The following TEP1 variants were observed in gnomAD, a reference collection of about 807,000 sequenced individuals.
The protein encoded by TEP1 is telomerase associated protein 1.
Under a neutral mutation model 306.3 loss-of-function variants are expected in TEP1, and 241 were observed. That is an observed-to-expected ratio of 0.79 (90% CI 0.71 to 0.88). TEP1 has a LOEUF of 0.88. Among genes scored for constraint, TEP1 ranks in the 40% least tolerant of loss-of-function variants. TEP1 has a pLI of 0.00. For synonymous variants in TEP1, 1,289 were observed against 1,305.5 expected, an observed-to-expected ratio of 0.99 and a Z score of 0.27; for missense variants, 3,051 against 3,276.1, an observed-to-expected ratio of 0.93 and a Z score of 1.68.
At chr14:20,394,774 G>A (rs972720763) in intron 12 of TEP1, among the ~76,000 whole-genome samples, 6 of 152,180 alleles carry the variant, frequency 3.9e-5, no homozygotes, top group South Asian at 2.1e-4. Flanking sequence ...GATTACAGGC[G>A]TGAGCCACCA....
rs1470899170 is a variant in TEP1, at chr14:20,379,966, A to G, written c.5091T>C (p.Asn1697=). The G allele has an allele frequency of 6.2e-7, 1 of 1,614,052 alleles. No individual in the cohort carries two copies. Among genetic ancestry groups the G allele is most frequent in the Non-Finnish European group, 8.5e-7 (1 of 1,180,000 alleles). ...NGQRAAVGTA[N]GTVYLLDLRT... is the part of the protein sequence containing the mutation. Reference sequence around the variant, plus strand: ...TCAGGTCCAACAGGTAAACTGTCCCATTGGCAGTGCCCACAGCTGCTCTTT... The same window carrying G: ...TCAGGTCCAACAGGTAAACTGTCCCGTTGGCAGTGCCCACAGCTGCTCTTT... Residue 1697 remains asparagine (N), a synonymous_variant, in exon 35 of 55, where the codon AAT becomes AAC. Coordinates refer to ENST00000262715, the MANE Select transcript of TEP1 (RefSeq NM_007110.5).
rs749150318 is a variant in TEP1, at chr14:20,371,276, T to A, written c.7259A>T (p.His2420Leu). 1.4e-5 allele frequency: 23 copies of A among 1,614,066 alleles called. No individual in the cohort carries two copies. The Admixed American group carries it at 3.8e-4, about 27-fold the overall frequency. ...CAGGACAAATATGCCATACTCCTTGTGGGTGGACAATATCATAGGATTTTC... is the reference window on the plus strand; with the variant it reads ...CAGGACAAATATGCCATACTCCTTGAGGGTGGACAATATCATAGGATTTTC... Reference protein sequence around the residue: ...YTENPMILSTHKEYGIFVLQP... With the variant: ...YTENPMILSTLKEYGIFVLQP... The change falls in exon 51 of 55, where the codon CAC (histidine) becomes CTC (leucine). Residue 2420 changes from histidine to leucine, a missense_variant. This residue lies in a region of TEP1 where 1,540 missense variants were observed against 1,705.9 expected (regional missense o/e 0.90). Transcript: ENST00000262715.
In TEP1 at chr14:20,388,143, A is replaced by G. The variant is rs946084546; in HGVS notation, c.2526-80T>C. ...AGGTCTTCCGAAAAGGGCAGGGGGA[A>G]AAAGATATGTCCAGGTTTGGTGACC... On this transcript the variant is annotated intron_variant, in intron 17 of 54. Coordinates refer to ENST00000262715, the MANE Select transcript of TEP1 (RefSeq NM_007110.5). 13 of 1,509,396 alleles carry G rather than the reference A, an allele frequency of 8.6e-6. No individual in the cohort carries two copies. The African/African-American group carries it at 1.3e-4, about 15-fold the overall frequency. 93.5% of individuals were successfully genotyped at this position (1,509,396 alleles called of 1,614,324 possible).
At chr14:20,368,760 G>GCGCACA in intron 54 of TEP1, 38 bp downstream of exon 54, 1 of 1,303,608 alleles carries the variant, frequency 7.7e-7, no homozygotes, top group Non-Finnish European at 1.0e-6. Flanking sequence ...GTGTGCAGGC[G>GCGCACA]CACGCACACA....
chr14:20,380,286 T>C lies in TEP1; in HGVS notation c.4952A>G (p.Gln1651Arg). Residue 1651 changes from glutamine (Q) to arginine (R), a missense_variant, in exon 34 of 55, where the codon CAA becomes CGA. Physicochemically the swap from Gln to Arg is conservative, Grantham distance 43. Transcript: ENST00000262715. ...ASLLSRRWHL[Q>R]HTLRWLNKPR... ...TTTATTAAGCCATCGTAGTGTGTGT[T>C]GGAGGTGCCATCTCCGGGAGAGCAG... The C allele has an allele frequency of 6.2e-7, 1 of 1,614,130 alleles. No homozygotes were observed. The highest frequency in any genetic ancestry group is 1.1e-5 in the South Asian group (1 of 91,082).
At chr14:20,393,693 G>A (rs1047758875) in intron 12 of TEP1, among the ~76,000 whole-genome samples, 1 of 152,002 alleles carries the variant, frequency 6.6e-6, no homozygotes, top group Non-Finnish European at 1.5e-5. Flanking sequence ...TTGGGAGTCT[G>A]AGGCACGAGA....
chr14:20,380,912 A>C lies in TEP1; in HGVS notation c.4762+19T>G. The C allele has an allele frequency of 6.2e-7, 1 of 1,603,002 alleles. No individual in the cohort carries two copies. The highest frequency in any genetic ancestry group is 8.5e-7 in the Non-Finnish European group (1 of 1,170,048). On this transcript the variant is annotated intron_variant, in intron 33 of 54. Transcript: ENST00000262715. ...AGTCCCATATCTCAGAGAAGAACCCAGCCAGTGACTCATCTCACCATAGAG... is the reference window on the plus strand; with the variant it reads ...AGTCCCATATCTCAGAGAAGAACCCCGCCAGTGACTCATCTCACCATAGAG...
intron 35 of TEP1, 78 bp downstream of exon 35, chr14:20,379,852 G>T: frequency 6.6e-7 from 1 of 1,521,218 alleles, no homozygotes; most frequent in South Asian, 1.3e-5. Flanking sequence ...TAACAGGTGT[G>T]TTTGGCTCAT....
chr14:20,384,368 T>C (rs1876921520), intron 23 of TEP1, 23 bp downstream of exon 23: 2 of 1,613,534 alleles, frequency 1.2e-6, no homozygotes, highest in East Asian at 2.2e-5. Context: ...TCCATGCCTC[T>C]GGTCACCAGT....
intron 6 of TEP1, 83 bp from the exon 7 acceptor site, chr14:20,403,531 C>T: frequency 6.3e-7 from 1 of 1,599,936 alleles, no homozygotes; most frequent in African/African-American, 1.4e-5. Flanking sequence ...GAAGGTGCAT[C>T]TCTACCAAAA....
At position 20,389,529 on chromosome 14, in the gene TEP1, T is replaced by A. The variant is rs1380121700; in HGVS notation, c.2465+81A>T. The A allele has an allele frequency of 7.6e-6, 12 of 1,569,762 alleles. No individual in the cohort carries two copies. The African/African-American group carries it at 1.6e-4, about 21-fold the overall frequency. ...TGGGGAGATCCCTGCCAAGTGGGAG[T>A]GTCCTATGCTTTGGCAGGCGTAGAG... is the stretch of plus-strand genomic sequence containing the variant. On this transcript the variant is annotated intron_variant, in intron 16 of 54. Transcript: ENST00000262715.
chr14:20,396,083 G>T, intron 10 of TEP1, 134 bp from the exon 11 acceptor site: 1 of 547,652 alleles, frequency 1.8e-6, no homozygotes, highest in East Asian at 2.8e-5. Context: ...TAGAAAAGGG[G>T]TAATAAGAAG....
chr14:20,391,745 T>C lies in TEP1; in HGVS notation c.1951A>G (p.Met651Val). The change falls in exon 13 of 55, where the codon ATG becomes GTG. Residue 651 changes from methionine (M) to valine (V), a missense_variant. This residue lies in a region of TEP1 where 1,507 missense variants were observed against 1,550.5 expected (regional missense o/e 0.97). Coordinates refer to ENST00000262715, the MANE Select transcript of TEP1 (RefSeq NM_007110.5). ...KARQWKYDGE[M>V]LNRYRQALET... is the part of the protein sequence containing the mutation. The stretch of plus-strand genomic sequence containing the variant: ...AGGGCCTGTCGGTACCTGTTCAGCA[T>C]CTCACCATCATATTTCCACTGTCTA... 6.2e-7 allele frequency: 1 copy of C among 1,614,098 alleles called. No homozygotes were observed.
intron 51 of TEP1, 93 bp from the exon 52 acceptor site, chr14:20,369,872 ATT>A (rs60087138): frequency 2.4e-3 from 1,720 of 730,786 alleles, no homozygotes; most frequent in South Asian, 2.7e-3. Flanking sequence ...CTGGTCAGGA[ATT>A]TTTTTTTTTT....
intron 2 of TEP1, among the ~76,000 whole-genome samples, chr14:20,407,049 G>T (rs1879230313): frequency 6.6e-6 from 1 of 152,210 alleles, no homozygotes; most frequent in Admixed American, 6.5e-5. Flanking sequence ...ACAGAAGAGG[G>T]TTCAGATTAG....
Position 20,389,254 on chromosome 14 carries a change from T to A in TEP1, c.2509A>T (p.Thr837Ser). 3 of 1,614,146 alleles carry A rather than the reference T, an allele frequency of 1.9e-6. No homozygotes were observed. The highest frequency in any genetic ancestry group is 2.5e-6 in the Non-Finnish European group (3 of 1,180,020). ...NPNDVTLSGC[T>S]DAILKFIAEH... ...TGTACTCACTTCAGTATCGCATCAGTACAGCCTGAGAGTGTCACATCATTG... is the reference window on the plus strand; with the variant it reads ...TGTACTCACTTCAGTATCGCATCAGAACAGCCTGAGAGTGTCACATCATTG... Residue 837 changes from threonine (T) to serine (S), a missense_variant, in exon 17 of 55, where the codon ACT (threonine) becomes TCT (serine). Physicochemically the swap from Thr to Ser is moderately conservative, Grantham distance 58. This residue lies in a region of TEP1 where 1,507 missense variants were observed against 1,550.5 expected (regional missense o/e 0.97). Transcript: ENST00000262715.
Position 20,381,191 on chromosome 14 carries a change from G to A in TEP1, c.4647+122C>T, listed in dbSNP as rs984796685. ...GGGCAGGAAAACTGAAAGGAAAGAGGTCAAGGGAGTTTGGGAGGGGTAATG... is the reference window on the plus strand; with the variant it reads ...GGGCAGGAAAACTGAAAGGAAAGAGATCAAGGGAGTTTGGGAGGGGTAATG... On this transcript the variant is annotated intron_variant, in intron 32 of 54. Coordinates refer to ENST00000262715, the MANE Select transcript of TEP1 (RefSeq NM_007110.5). The surrounding 1 kb of genome is among the most constrained non-coding windows in gnomAD (Gnocchi z 4.0). The A allele has an allele frequency of 4.9e-6, 6 of 1,236,610 alleles. No homozygotes were observed. The highest frequency in any genetic ancestry group is 4.5e-5 in the African/African-American group (3 of 67,302). 76.6% of individuals were successfully genotyped at this position (1,236,610 alleles called of 1,614,324 possible).
chr14:20,397,266 G>A lies in TEP1; in HGVS notation c.1550-536C>T, dbSNP rs1170280600. Among the ~76,000 whole-genome samples, 3 of 152,274 alleles carry A rather than the reference G, an allele frequency of 2.0e-5. No homozygotes were observed. In the East Asian group the frequency reaches 5.8e-4, roughly 29 times the overall value. On this transcript the variant is annotated intron_variant, in intron 9 of 54. Transcript: ENST00000262715. Reference sequence around the variant, plus strand: ...TTTATGAAGTATATACTAACATAATGTAGCACATTCATTAGTTAATATTTC... The same window carrying A: ...TTTATGAAGTATATACTAACATAATATAGCACATTCATTAGTTAATATTTC...
chr14:20,368,413 T>A lies in TEP1; in HGVS notation c.*24A>T, dbSNP rs201450349. 13 of 1,612,020 alleles carry A rather than the reference T, an allele frequency of 8.1e-6. No individual in the cohort carries two copies. Among genetic ancestry groups the A allele is most frequent in the Non-Finnish European group, 1.1e-5 (13 of 1,178,304 alleles). On this transcript the variant is annotated 3_prime_UTR_variant, in exon 55 of 55. Coordinates refer to ENST00000262715, the MANE Select transcript of TEP1 (RefSeq NM_007110.5). Reference sequence around the variant, plus strand: ...CTTTGCATCTCTAGCACAAGGGGTATCATTATTCCCGAGTGGCACATCTTC... The same window carrying A: ...CTTTGCATCTCTAGCACAAGGGGTAACATTATTCCCGAGTGGCACATCTTC...
Sources: gnomAD v4.1 joint callset for allele counts (sites outside exome capture counted in the v4.1 genomes callset) on GRCh38, gnomAD v4.1.1 for gene constraint, gnomAD v4.1.1 regional missense constraint, Gnocchi (gnomAD v3.1) non-coding constraint, MANE v1.5 for transcripts, NCBI Gene and HGNC (gene_info 2026-07-23, HGNC 2026-07-21) for gene names.